Variants in CPAMD8 observed in about 807,000 individuals in gnomAD.
The protein encoded by CPAMD8 is C3 and PZP-like alpha-2-macroglobulin domain-containing protein 8.
Under a neutral mutation model 224.7 loss-of-function variants are expected in CPAMD8, and 146 were observed. The ratio of observed to expected loss-of-function variants is 0.65; its 90% CI spans 0.57 to 0.75. The LOEUF is 0.75. Among genes scored for constraint, CPAMD8 ranks in the 30% least tolerant of loss-of-function variants. The probability of loss-of-function intolerance (pLI) is 0.00; values close to 1 mark genes in which losing one functional copy is unlikely to be tolerated. For synonymous variants in CPAMD8, 966 were observed against 1,044.6 expected (o/e 0.92, Z 1.45); for missense variants, 2,301 against 2,537.5 (o/e 0.91, Z 2.00).
At chr19:17,008,766 C>A in intron 6 of CPAMD8, 1 of 637,934 alleles carries the variant, frequency 1.6e-6, no homozygotes, top group South Asian at 1.8e-5. Context: ...GGGCCTACCT[C>A]CTCATTTAGG....
chr19:16,956,813 G>A (rs1274963092), intron 19 of CPAMD8, among the ~76,000 whole-genome samples: 2 of 151,512 alleles, frequency 1.3e-5, no homozygotes, highest in South Asian at 2.1e-4. Context: ...GACTACAGGC[G>A]CCCGCCACCA....
At chr19:16,935,604 G>C (rs564506619) in intron 23 of CPAMD8, among the ~76,000 whole-genome samples, 1 of 152,230 alleles carries the variant, frequency 6.6e-6, no homozygotes, top group South Asian at 2.1e-4. Context: ...TTAATGAGTA[G>C]TATTCCAAGG....
intron 14 of CPAMD8, among the ~76,000 whole-genome samples, chr19:16,977,921 C>A (rs1279651453): frequency 6.6e-6 from 1 of 152,174 alleles, no homozygotes; most frequent in African/African-American, 2.4e-5. Flanking sequence ...CAGTCCCTCC[C>A]TCTGATTGGC....
intron 35 of CPAMD8, 28 bp downstream of exon 35, chr19:16,902,621 C>A: frequency 2.7e-6 from 4 of 1,479,602 alleles, no homozygotes; most frequent in Non-Finnish European, 3.7e-6. Flanking sequence ...TCCTGGGATG[C>A]CCACGCCAGC....
intron 3 of CPAMD8, among the ~76,000 whole-genome samples, chr19:17,013,721 TG>T (rs1216760406): frequency 6.6e-6 from 1 of 150,898 alleles, no homozygotes; most frequent in Admixed American, 6.6e-5. Context: ...TGGAACTAGA[TG>T]GGGGGGCATT....
chr19:17,025,228 T>C (rs958187726), intron 1 of CPAMD8, among the ~76,000 whole-genome samples: 2 of 152,042 alleles, frequency 1.3e-5, no homozygotes, highest in African/African-American at 4.8e-5. Flanking sequence ...CTGGCTAACA[T>C]GGAGAAACCC....
At chr19:16,957,792 C>A in intron 19 of CPAMD8, 61 bp downstream of exon 19, 1 of 1,536,562 alleles carries the variant, frequency 6.5e-7, no homozygotes, top group Non-Finnish European at 9.0e-7. Context: ...GCTCTCTGGA[C>A]CCGCATGAGT....
At chr19:16,960,304 G>A (rs558187427) in intron 18 of CPAMD8, among the ~76,000 whole-genome samples, 10 of 152,144 alleles carry the variant, frequency 6.6e-5, no homozygotes, top group Non-Finnish European at 7.4e-5. Flanking sequence ...GCAGACCCCG[G>A]AAACACCCGC....
chr19:17,009,510 C>T, intron 5 of CPAMD8, 190 bp from the exon 6 acceptor site: 2 of 954,072 alleles, frequency 2.1e-6, no homozygotes, highest in Non-Finnish European at 3.0e-6. Context: ...ACAGGTGGCT[C>T]ATGCCTGTAA....
chr19:17,010,519 G>T (rs907006726), intron 5 of CPAMD8, among the ~76,000 whole-genome samples: 4 of 152,122 alleles, frequency 2.6e-5, no homozygotes, highest in African/African-American at 9.7e-5. Context: ...GATTACAGAT[G>T]TGAGACACTG....
At chr19:16,964,618 G>A (rs2054765086) in intron 18 of CPAMD8, among the ~76,000 whole-genome samples, 1 of 152,142 alleles carries the variant, frequency 6.6e-6, no homozygotes, top group Admixed American at 6.5e-5. Context: ...AGTACAAAGA[G>A]GAGCTGATAC....
At chr19:17,023,803 A>G (rs950096991) in intron 1 of CPAMD8, among the ~76,000 whole-genome samples, 1 of 151,906 alleles carries the variant, frequency 6.6e-6, no homozygotes, top group Non-Finnish European at 1.5e-5. Flanking sequence ...GCTGGTCTTG[A>G]CCTCCTGACC....
At chr19:17,013,908 A>C (rs2056734941) in intron 3 of CPAMD8, among the ~76,000 whole-genome samples, 2 of 128,342 alleles carry the variant, frequency 1.6e-5, no homozygotes, top group African/African-American at 2.7e-5. Flanking sequence ...TCCTTCCTTC[A>C]CTACACATTC....
chr19:16,994,246 T>C (rs751862714), intron 11 of CPAMD8, among the ~76,000 whole-genome samples: 3 of 152,196 alleles, frequency 2.0e-5, no homozygotes, highest in African/African-American at 7.2e-5. Context: ...CTTCATGCCC[T>C]TGGATTTGGC....
intron 8 of CPAMD8, among the ~76,000 whole-genome samples, chr19:17,003,959 C>G (rs182405225): frequency 6.6e-6 from 1 of 150,806 alleles, no homozygotes; most frequent in Non-Finnish European, 1.5e-5. Context: ...CAGGCTGGAG[C>G]GCAGTAGTGC....
chr19:16,961,919 C>A (rs1402840246), intron 18 of CPAMD8, among the ~76,000 whole-genome samples: 2 of 152,196 alleles, frequency 1.3e-5, no homozygotes, highest in Non-Finnish European at 2.9e-5. Context: ...GGACCTCCAC[C>A]AAACTCCAAC....
intron 10 of CPAMD8, among the ~76,000 whole-genome samples, chr19:16,999,366 G>A (rs1033352563): frequency 3.3e-5 from 5 of 151,834 alleles, no homozygotes; most frequent in African/African-American, 4.8e-5. Flanking sequence ...GGATCACGAC[G>A]TCAGGAGATC....
chr19:17,008,772 T>G, intron 6 of CPAMD8: 1 of 622,632 alleles, frequency 1.6e-6, no homozygotes, highest in South Asian at 1.9e-5. Flanking sequence ...ACCTCCTCAT[T>G]TAGGGAGCCG....
intron 22 of CPAMD8, among the ~76,000 whole-genome samples, chr19:16,940,821 C>G (rs575288570): frequency 1.3e-5 from 2 of 152,226 alleles, no homozygotes; most frequent in Non-Finnish European, 2.9e-5. Context: ...AGGGAAGGCC[C>G]CAGAAGCATT....
Sources: gnomAD v4.1 joint callset for allele counts (sites outside exome capture counted in the v4.1 genomes callset) on GRCh38, gnomAD v4.1.1 for gene constraint, MANE v1.5 for transcripts, NCBI Gene and HGNC (gene_info 2026-07-23, HGNC 2026-07-21) for gene names.